Variants in UBR3 observed in about 807,000 individuals in gnomAD.
UBR3 encodes the protein E3 ubiquitin-protein ligase UBR3.
In UBR3, 85 loss-of-function variants were observed where a neutral mutation model predicts 243.2. The observed-to-expected ratio is 0.35, with a 90% CI of 0.29 to 0.42. UBR3 has a LOEUF of 0.42. Among genes scored for constraint, UBR3 ranks in the 10% least tolerant of loss-of-function variants. UBR3 has a pLI of 1.00. For synonymous variants in UBR3, 748 were observed against 799.8 expected (o/e 0.94, Z 1.09); for missense variants, 1,686 against 2,300.8 (o/e 0.73, Z 5.47).
At position 170,064,585 on chromosome 2, in the gene UBR3, T is replaced by C. The variant is rs139930262; in HGVS notation, c.5019+3142T>C. ...TTTTTCTCTATTTGATAAGACAGTT[T>C]TTCCAGCACTATGTACAAATTATTT... On this transcript the variant is annotated intron_variant, in intron 35 of 38. Coordinates refer to ENST00000272793, the MANE Select transcript of UBR3 (RefSeq NM_172070.4). 9.3e-3 allele frequency among the ~76,000 whole-genome samples: 1,407 copies of C among 152,088 alleles called. 24 individuals carry two copies. The highest frequency in any genetic ancestry group is 0.032 in the African/African-American group (1,317 of 41,554).
chr2:169,878,668 G>A (rs1559049800), intron 5 of UBR3, 94 bp downstream of exon 5: 1 of 1,137,088 alleles, frequency 8.8e-7, no homozygotes, highest in Non-Finnish European at 1.3e-6. Context: ...TTCTGAAACT[G>A]TATAGATTTG....
intron 10 of UBR3, 149 bp downstream of exon 10, chr2:169,906,313 C>A: frequency 1.0e-6 from 1 of 978,580 alleles, no homozygotes; most frequent in Non-Finnish European, 1.4e-6. Context: ...CAGTAATTTT[C>A]ATTCTTAGGC....
chr2:169,880,024 A>G (rs2083762245), intron 5 of UBR3, among the ~76,000 whole-genome samples: 1 of 152,184 alleles, frequency 6.6e-6, no homozygotes, highest in African/African-American at 2.4e-5. Context: ...TAATACACAT[A>G]TAGTTTTAAA....
intron 30 of UBR3, among the ~76,000 whole-genome samples, chr2:170,028,738 G>A (rs1453418616): frequency 1.3e-5 from 2 of 148,634 alleles, no homozygotes; most frequent in Non-Finnish European, 3.0e-5. Flanking sequence ...TCTTCTAAAT[G>A]TCATGAGCAG....
intron 11 of UBR3, among the ~76,000 whole-genome samples, chr2:169,920,112 A>G (rs145400958): frequency 4.6e-5 from 7 of 152,224 alleles, no homozygotes; most frequent in African/African-American, 1.7e-4. Flanking sequence ...GATATACGCC[A>G]TGGAATATGT....
intron 23 of UBR3, among the ~76,000 whole-genome samples, chr2:169,958,000 C>A (rs12994491): frequency 0.53 from 80,318 of 151,988 alleles, 22,029 homozygotes; most frequent in Non-Finnish European, 0.62. Flanking sequence ...ATGACTATTC[C>A]TATCTTTTAG....
intron 26 of UBR3, among the ~76,000 whole-genome samples, chr2:169,998,295 A>G (rs1001233519): frequency 6.6e-6 from 1 of 152,222 alleles, no homozygotes; most frequent in East Asian, 1.9e-4. Context: ...AAGTTAGGGT[A>G]TCTCTTTTTT....
At chr2:170,043,454 T>A (rs2091014859) in intron 32 of UBR3, among the ~76,000 whole-genome samples, 1 of 152,148 alleles carries the variant, frequency 6.6e-6, no homozygotes, top group Admixed American at 6.5e-5. Flanking sequence ...AAAAACTATA[T>A]CATAAAGTGA....
intron 26 of UBR3, among the ~76,000 whole-genome samples, chr2:170,000,298 G>T (rs924762628): frequency 7.2e-5 from 11 of 152,214 alleles, no homozygotes; most frequent in Non-Finnish European, 8.8e-5. Context: ...TTATAAAGCT[G>T]TATGGAGGTT....
chr2:170,062,662 T>TA (rs1328639431), intron 35 of UBR3, among the ~76,000 whole-genome samples: 1 of 152,234 alleles, frequency 6.6e-6, no homozygotes, highest in African/African-American at 2.4e-5. Context: ...CAACTTCTTT[T>TA]ACCACCTGTA....
At chr2:170,067,961 G>A (rs188768050) in intron 35 of UBR3, among the ~76,000 whole-genome samples, 332 of 151,324 alleles carry the variant, frequency 2.2e-3, no homozygotes, top group African/African-American at 7.6e-3. Context: ...GTAGAGATGG[G>A]GTTTCATCAC....
chr2:169,939,367 T>C (rs1372798017), intron 19 of UBR3, among the ~76,000 whole-genome samples: 1 of 151,584 alleles, frequency 6.6e-6, no homozygotes, highest in Non-Finnish European at 1.5e-5. Context: ...CATGCCATTC[T>C]CCTGCCTCAG....
chr2:169,952,747 G>A (rs1184006090), intron 23 of UBR3, among the ~76,000 whole-genome samples: 1 of 151,748 alleles, frequency 6.6e-6, no homozygotes, highest in African/African-American at 2.4e-5. Context: ...AAAGCTTATG[G>A]TAGATTAAGA....
chr2:169,871,986 A>G (rs572584003), intron 1 of UBR3, among the ~76,000 whole-genome samples: 14 of 152,180 alleles, frequency 9.2e-5, no homozygotes, highest in Non-Finnish European at 1.9e-4. Flanking sequence ...CCCTGTAATG[A>G]GATTTTCTTT....
chr2:169,891,115 A>G lies in UBR3; in HGVS notation c.1039-50A>G, dbSNP rs1194996604. 4.4e-6 allele frequency: 6 copies of G among 1,375,374 alleles called. No homozygotes were observed. In the Admixed American group the frequency reaches 6.1e-5, roughly 14 times the overall value. 85.2% of individuals were successfully genotyped at this position (1,375,374 alleles called of 1,614,324 possible). On this transcript the variant is annotated intron_variant, in intron 5 of 38. Transcript: ENST00000272793. ...ATTTGTAAGCACATTTATAAAGTGT[A>G]TCAATTTATGAATGTGACTGTGTAT... is the stretch of plus-strand genomic sequence containing the variant.
intron 18 of UBR3, among the ~76,000 whole-genome samples, chr2:169,931,423 G>A (rs574870332): frequency 6.7e-6 from 1 of 149,370 alleles, no homozygotes; most frequent in African/African-American, 2.5e-5. Context: ...GTGAAGGACT[G>A]TCTTCAGAAT....
At chr2:170,028,794 G>A (rs918619711) in intron 30 of UBR3, among the ~76,000 whole-genome samples, 2 of 151,338 alleles carry the variant, frequency 1.3e-5, no homozygotes, top group Admixed American at 1.3e-4. Flanking sequence ...TATAATTCAG[G>A]TAGAATAAAT....
intron 9 of UBR3, 100 bp downstream of exon 9, chr2:169,905,393 C>T: frequency 1.2e-6 from 1 of 818,628 alleles, no homozygotes; most frequent in Non-Finnish European, 1.7e-6. Context: ...ATTCACGCTA[C>T]ACATGAAATA....
rs1299734197 is a variant in UBR3, at chr2:169,912,807, G to T, written c.1780-1253G>T. 4.6e-5 allele frequency among the ~76,000 whole-genome samples: 7 copies of T among 151,820 alleles called. No homozygotes were observed. The South Asian group carries it at 1.2e-3, about 27-fold the overall frequency. ...CTTTTTTTTTTCTTTTTGAGATAGG[G>T]TCTCACTGTGTTGCCCATGCTGGAG... On this transcript the variant is annotated intron_variant, in intron 10 of 38. Coordinates refer to ENST00000272793, the MANE Select transcript of UBR3 (RefSeq NM_172070.4).
Sources: allele counts gnomAD v4.1 joint callset (sites outside exome capture counted in the v4.1 genomes callset), GRCh38; gene constraint gnomAD v4.1.1; transcripts MANE v1.5; gene names NCBI Gene and HGNC (gene_info 2026-07-23, HGNC 2026-07-21).